Variants in MCOLN2 observed in about 807,000 individuals in gnomAD.
MCOLN2 encodes the protein mucolipin-2.
In MCOLN2, 57 loss-of-function variants were observed where a neutral mutation model predicts 67.5. The observed-to-expected ratio is 0.84, with a 90% CI of 0.68 to 1.05. The LOEUF is 1.05. Ranked by LOEUF, MCOLN2 falls within the 50% of genes least tolerant of loss-of-function variation. The probability of loss-of-function intolerance (pLI) is 0.00; values close to 1 mark genes in which losing one functional copy is unlikely to be tolerated. For synonymous variants in MCOLN2, 246 were observed against 233.3 expected, an observed-to-expected ratio of 1.05 and a Z score of -0.50; for missense variants, 620 against 678.8, an observed-to-expected ratio of 0.91 and a Z score of 0.96.
At chr1:84,929,379 C>G (rs1386109832) in intron 13 of MCOLN2, among the ~76,000 whole-genome samples, 179 bp downstream of exon 13, 1 of 152,156 alleles carries the variant, frequency 6.6e-6, no homozygotes, top group Non-Finnish European at 1.5e-5. Flanking sequence ...CTACATAACC[C>G]TGTTTTAGAA....
chr1:84,962,947 T>C (rs1195069430), intron 2 of MCOLN2, among the ~76,000 whole-genome samples: 1 of 152,190 alleles, frequency 6.6e-6, no homozygotes, highest in Non-Finnish European at 1.5e-5. Flanking sequence ...TGTATATGGA[T>C]AAGAAAGGTA....
chr1:84,936,989 T>G (rs1048744889), intron 11 of MCOLN2, among the ~76,000 whole-genome samples: 1 of 152,162 alleles, frequency 6.6e-6, no homozygotes, highest in Non-Finnish European at 1.5e-5. Context: ...ACACAAGCAG[T>G]AAGTGTTAGC....
In MCOLN2 at chr1:84,926,668, T is replaced by A; in HGVS notation, c.*17A>T. On this transcript the variant is annotated 3_prime_UTR_variant, in exon 14 of 14. Transcript: ENST00000370608. The stretch of plus-strand genomic sequence containing the variant: ...CTGGATAAGGATGCCTGAACTTTAA[T>A]CATCTTTAGCAGAACTTTAGCTAAT... 6.3e-7 allele frequency: 1 copy of A among 1,575,548 alleles called. No individual in the cohort carries two copies. The highest frequency in any genetic ancestry group is 1.2e-5 in the South Asian group (1 of 85,382).
intron 11 of MCOLN2, among the ~76,000 whole-genome samples, chr1:84,932,172 A>G (rs904281912): frequency 1.3e-5 from 2 of 152,046 alleles, no homozygotes; most frequent in Non-Finnish European, 2.9e-5. Context: ...CCTAATTAAC[A>G]TAAGCATCTT....
intron 7 of MCOLN2, among the ~76,000 whole-genome samples, chr1:84,943,157 T>C (rs1306756873): frequency 2.6e-5 from 4 of 152,030 alleles, no homozygotes; most frequent in South Asian, 2.1e-4. Flanking sequence ...TTAGAACTTA[T>C]GTTGGTCTGA....
intron 9 of MCOLN2, among the ~76,000 whole-genome samples, chr1:84,938,726 G>C (rs979996074): frequency 2.0e-5 from 3 of 152,154 alleles, no homozygotes; most frequent in Non-Finnish European, 4.4e-5. Context: ...AGACGTCCTA[G>C]AGGGGCAGGG....
At chr1:84,946,319 C>G (rs375764923) in intron 7 of MCOLN2, among the ~76,000 whole-genome samples, 1 of 152,234 alleles carries the variant, frequency 6.6e-6, no homozygotes, top group East Asian at 1.9e-4. Context: ...TTTATAAGCA[C>G]GTCAGTCTCT....
chr1:84,968,260 G>A (rs1382954269), intron 1 of MCOLN2, among the ~76,000 whole-genome samples: 2 of 152,124 alleles, frequency 1.3e-5, no homozygotes, highest in Non-Finnish European at 2.9e-5. Flanking sequence ...GATTAAATAA[G>A]GCTCATAAAC....
At chr1:84,947,457 A>T (rs1354873577) in intron 6 of MCOLN2, among the ~76,000 whole-genome samples, 1 of 152,206 alleles carries the variant, frequency 6.6e-6, no homozygotes, top group Non-Finnish European at 1.5e-5. Flanking sequence ...TAGGAAGGGG[A>T]GCAAGGCACC....
intron 1 of MCOLN2, among the ~76,000 whole-genome samples, chr1:84,979,161 C>T (rs1018033658): frequency 6.6e-6 from 1 of 152,124 alleles, no homozygotes; most frequent in African/African-American, 2.4e-5. Context: ...ACAGACACAC[C>T]CAGGATCAAT....
rs754928593 is a variant in MCOLN2, at chr1:84,965,658, TC to T, written c.127del (p.Glu43LysfsTer3). The T allele has an allele frequency of 1.6e-5, 26 of 1,613,840 alleles. No individual in the cohort carries two copies. The Admixed American group carries it at 2.0e-4, about 12-fold the overall frequency. The stretch of plus-strand genomic sequence containing the variant: ...GCTCATGAAGTAAAACTTCAGGTCT[TC>T]CCTTAGACATTCTTCTTTCATCTCA... Reference protein sequence around the residue: ...DSEMKEECLREDLKFYFMSPC... With the variant: ...DSEMKEECLRXDLKFYFMSPC... On this transcript the variant is annotated frameshift_variant, in exon 2 of 14. Coordinates refer to ENST00000370608, the MANE Select transcript of MCOLN2 (RefSeq NM_153259.4). LOFTEE classifies it high-confidence loss of function.
intron 11 of MCOLN2, among the ~76,000 whole-genome samples, chr1:84,934,204 C>G (rs534645208): frequency 3.5e-4 from 54 of 152,252 alleles, no homozygotes; most frequent in South Asian, 3.5e-3. Context: ...GTGCTGGACA[C>G]TGGGAATGTA....
intron 8 of MCOLN2, among the ~76,000 whole-genome samples, chr1:84,939,939 G>C (rs768340772): frequency 1.3e-5 from 2 of 152,162 alleles, no homozygotes; most frequent in Non-Finnish European, 2.9e-5. Flanking sequence ...ACTCCAGCAG[G>C]TTCTTGTCAT....
chr1:84,926,868 AG>A, intron 13 of MCOLN2, 147 bp from the exon 14 acceptor site: 1 of 464,064 alleles, frequency 2.2e-6, no homozygotes, highest in African/African-American at 2.0e-5. Flanking sequence ...AAGACAGGCA[AG>A]GTATTCTGAT....
chr1:84,933,624 C>A (rs577339092), intron 11 of MCOLN2, among the ~76,000 whole-genome samples: 18 of 152,332 alleles, frequency 1.2e-4, no homozygotes, highest in Middle Eastern at 6.8e-3. Flanking sequence ...TCAACTACAA[C>A]TCTGACAGCA....
chr1:84,993,208 T>G (rs1008566657), intron 1 of MCOLN2, among the ~76,000 whole-genome samples: 2 of 152,234 alleles, frequency 1.3e-5, no homozygotes, highest in African/African-American at 4.8e-5. Context: ...CAACTCCTCA[T>G]CCATTCTAGT....
chr1:84,939,537 A>G lies in MCOLN2; in HGVS notation c.1110+16T>C, dbSNP rs1647626511. 1 of 1,612,948 alleles carries G rather than the reference A, an allele frequency of 6.2e-7. No homozygotes were observed. Among genetic ancestry groups the G allele is most frequent in the Non-Finnish European group, 8.5e-7 (1 of 1,179,568 alleles). ...GAGAAGATGAAGAACAGAGACTTTA[A>G]ATGGGCTTCCCTCACCTTTGCTTTG... On this transcript the variant is annotated intron_variant, in intron 9 of 13. Coordinates refer to ENST00000370608, the MANE Select transcript of MCOLN2 (RefSeq NM_153259.4).
chr1:84,946,665 C>T (rs571825600), intron 7 of MCOLN2, among the ~76,000 whole-genome samples: 4 of 152,048 alleles, frequency 2.6e-5, no homozygotes, highest in African/African-American at 7.2e-5. Context: ...CAGATTTTTC[C>T]GATTTGGGAT....
At chr1:84,990,057 G>C (rs1326572175) in intron 1 of MCOLN2, among the ~76,000 whole-genome samples, 2 of 152,000 alleles carry the variant, frequency 1.3e-5, no homozygotes, top group African/African-American at 4.8e-5. Flanking sequence ...AGCACTTTGG[G>C]AGGCCAAGGC....
Sources: gnomAD v4.1 joint callset for allele counts (sites outside exome capture counted in the v4.1 genomes callset) on GRCh38, gnomAD v4.1.1 for gene constraint, MANE v1.5 for transcripts, NCBI Gene and HGNC (gene_info 2026-07-23, HGNC 2026-07-21) for gene names.